Variants in CSMD1 observed in about 807,000 individuals in gnomAD.
CSMD1 encodes CUB and sushi domain-containing protein 1.
CSMD1 carries 213 observed loss-of-function variants against 417.5 expected under a neutral mutation model. The observed-to-expected ratio is 0.51, with a 90% CI of 0.46 to 0.57. The LOEUF is 0.57. Ranked by LOEUF, CSMD1 falls within the 20% of genes least tolerant of loss-of-function variation. CSMD1 has a pLI of 0.00. For synonymous variants in CSMD1, 2,862 were observed against 1,736.8 expected (o/e 1.65, Z -16.11); for missense variants, 6,923 against 4,529.7 (o/e 1.53, Z -15.17).
intron 5 of CSMD1, among the ~76,000 whole-genome samples, chr8:3,985,529 C>G (rs1274998813): frequency 6.6e-6 from 1 of 152,104 alleles, no homozygotes; most frequent in Non-Finnish European, 1.5e-5. Flanking sequence ...ATACAACGAA[C>G]ACATCATTTT....
At chr8:3,272,669 A>T (rs1801955152) in intron 26 of CSMD1, among the ~76,000 whole-genome samples, 1 of 138,938 alleles carries the variant, frequency 7.2e-6, no homozygotes, top group Non-Finnish European at 1.6e-5. Flanking sequence ...TTGGATTCCT[A>T]GGTATTTTAT....
chr8:3,886,985 G>C (rs189078090), intron 5 of CSMD1, among the ~76,000 whole-genome samples: 232 of 152,276 alleles, frequency 1.5e-3, no homozygotes, highest in African/African-American at 5.4e-3. Context: ...TGAACACTTA[G>C]AGAAGCATTG....
intron 2 of CSMD1, among the ~76,000 whole-genome samples, chr8:4,455,929 CAAAA>C (rs71207091): frequency 9.8e-3 from 113 of 11,558 alleles, no homozygotes; most frequent in African/African-American, 0.018. Flanking sequence ...ACTCCAACTC[CAAAA>C]AAAAAAAAAA....
intron 2 of CSMD1, among the ~76,000 whole-genome samples, chr8:4,574,946 T>C (rs911755017): frequency 6.6e-6 from 1 of 152,238 alleles, no homozygotes; most frequent in Non-Finnish European, 1.5e-5. Flanking sequence ...GATCAAGAAC[T>C]ATTCCTAATG....
intron 7 of CSMD1, among the ~76,000 whole-genome samples, chr8:3,679,268 G>T (rs1369888084): frequency 2.6e-5 from 4 of 152,186 alleles, no homozygotes; most frequent in Admixed American, 1.3e-4. Context: ...AGACCCATCA[G>T]TGTGTTGTAT....
At chr8:3,393,935 A>G (rs995771676) in intron 17 of CSMD1, among the ~76,000 whole-genome samples, 2 of 147,228 alleles carry the variant, frequency 1.4e-5, no homozygotes, top group Non-Finnish European at 3.0e-5. Flanking sequence ...ACATGTATAC[A>G]TATGTAACAA....
intron 3 of CSMD1, among the ~76,000 whole-genome samples, chr8:4,275,442 T>A (rs763495247): frequency 1.3e-5 from 2 of 152,112 alleles, no homozygotes; most frequent in Non-Finnish European, 1.5e-5. Context: ...CATGATACTA[T>A]GGCCTTTATT....
intron 2 of CSMD1, among the ~76,000 whole-genome samples, chr8:4,462,108 C>T (rs1199840727): frequency 3.3e-5 from 5 of 152,018 alleles, no homozygotes; most frequent in Non-Finnish European, 5.9e-5. Flanking sequence ...CTCCTGGGCT[C>T]AAGGGATCCT....
At chr8:4,032,627 G>C (rs536583432) in intron 3 of CSMD1, among the ~76,000 whole-genome samples, 19 of 152,224 alleles carry the variant, frequency 1.2e-4, no homozygotes, top group African/African-American at 4.6e-4. Context: ...TAATAAATTA[G>C]AAATCTCATG....
chr8:3,031,736 T>C (rs2128977856), intron 50 of CSMD1, among the ~76,000 whole-genome samples: 1 of 152,110 alleles, frequency 6.6e-6, no homozygotes, highest in Non-Finnish European at 1.5e-5. Context: ...AATCAGACAA[T>C]TTTTTGAGCT....
intron 1 of CSMD1, among the ~76,000 whole-genome samples, chr8:4,755,649 C>T (rs1199089722): frequency 1.3e-5 from 2 of 152,184 alleles, no homozygotes; most frequent in East Asian, 3.8e-4. Context: ...CTGCCAAACA[C>T]ATCTGTCAAT....
At chr8:4,236,048 T>TTTTG (rs1802035207) in intron 3 of CSMD1, among the ~76,000 whole-genome samples, 2 of 40,634 alleles carry the variant, frequency 4.9e-5, no homozygotes, top group South Asian at 6.3e-4. Flanking sequence ...TGTTTTTTTT[T>TTTTG]TTTTTTTTTT....
intron 5 of CSMD1, among the ~76,000 whole-genome samples, chr8:3,812,914 G>C (rs1394788443): frequency 3.9e-5 from 6 of 152,124 alleles, no homozygotes; most frequent in African/African-American, 1.4e-4. Flanking sequence ...GTGATAATGT[G>C]TTTTGTCCTC....
At chr8:4,299,666 A>C (rs1307789526) in intron 3 of CSMD1, among the ~76,000 whole-genome samples, 2 of 152,158 alleles carry the variant, frequency 1.3e-5, no homozygotes, top group Non-Finnish European at 2.9e-5. Context: ...ATGGAGTCTC[A>C]TTCTGTCGCC....
intron 2 of CSMD1, among the ~76,000 whole-genome samples, chr8:4,633,958 G>C (rs1397946995): frequency 1.3e-5 from 2 of 149,770 alleles, no homozygotes; most frequent in Non-Finnish European, 3.0e-5. Flanking sequence ...AGTCAATAAA[G>C]TTCAGCTGTT....
chr8:4,820,498 G>A (rs1373207754), intron 1 of CSMD1, among the ~76,000 whole-genome samples: 2 of 152,128 alleles, frequency 1.3e-5, no homozygotes, highest in Non-Finnish European at 2.9e-5. Flanking sequence ...AGAGCCATAA[G>A]GAAATGGCCA....
intron 62 of CSMD1, 32 bp downstream of exon 62, chr8:2,961,108 GA>G: frequency 7.2e-7 from 1 of 1,387,666 alleles, no homozygotes; most frequent in East Asian, 2.4e-5. Flanking sequence ...TATATTTCCA[GA>G]AAGAAAACAT....
At chr8:4,159,805 G>T (rs1393044265) in intron 3 of CSMD1, among the ~76,000 whole-genome samples, 2 of 152,084 alleles carry the variant, frequency 1.3e-5, no homozygotes, top group South Asian at 2.1e-4. Context: ...AGCCAGGATA[G>T]GGAGACCATT....
intron 26 of CSMD1, among the ~76,000 whole-genome samples, chr8:3,260,547 G>T (rs1751741697): frequency 6.6e-6 from 1 of 151,964 alleles, no homozygotes; most frequent in Non-Finnish European, 1.5e-5. Flanking sequence ...ATGTCAGAGT[G>T]CTTCAATAAC....
Sources: gnomAD v4.1 joint callset for allele counts (sites outside exome capture counted in the v4.1 genomes callset) on GRCh38, gnomAD v4.1.1 for gene constraint, MANE v1.5 for transcripts, NCBI Gene and HGNC (gene_info 2026-07-23, HGNC 2026-07-21) for gene names.